SCFD2: variants seen among roughly 807,000 people sequenced by gnomAD.
The protein encoded by SCFD2 is sec1 family domain containing 2.
In SCFD2, 54 loss-of-function variants were observed where a neutral mutation model predicts 58.9. The observed-to-expected ratio is 0.92, with a 90% CI of 0.74 to 1.15. The LOEUF (loss-of-function observed/expected upper bound fraction) is 1.15, where lower values mean the gene tolerates loss of function less well. SCFD2 is among the 50% of genes most tolerant of loss of function. The probability of loss-of-function intolerance (pLI) is 0.00; values close to 1 mark genes in which losing one functional copy is unlikely to be tolerated. For synonymous variants in SCFD2, 321 were observed against 335.9 expected, an observed-to-expected ratio of 0.96 and a Z score of 0.49; for missense variants, 805 against 836.6, an observed-to-expected ratio of 0.96 and a Z score of 0.47.
chr4:52,874,981 C>T (rs1421181994), intron 8 of SCFD2, among the ~76,000 whole-genome samples: 1 of 152,208 alleles, frequency 6.6e-6, no homozygotes, highest in Non-Finnish European at 1.5e-5. Context: ...AGGATTATCT[C>T]ATTGAATATC....
chr4:53,092,731 G>A (rs1724509440), intron 5 of SCFD2, among the ~76,000 whole-genome samples: 1 of 152,092 alleles, frequency 6.6e-6, no homozygotes, highest in South Asian at 2.1e-4. Flanking sequence ...CTTAATGTAT[G>A]ATTCCATTTA....
At chr4:53,343,445 A>G (rs933488906) in intron 2 of SCFD2, among the ~76,000 whole-genome samples, 33 of 152,204 alleles carry the variant, frequency 2.2e-4, no homozygotes, top group African/African-American at 7.7e-4. Flanking sequence ...AGGTTCTGAA[A>G]TTGAGGCAAT....
intron 4 of SCFD2, among the ~76,000 whole-genome samples, chr4:53,171,956 A>ATTAT (rs139737323): frequency 1.5e-4 from 23 of 149,510 alleles, no homozygotes; most frequent in African/African-American, 2.4e-4. Context: ...CATTGATTTG[A>ATTAT]TTATTTATTT....
Position 52,908,934 on chromosome 4 carries a change from G to A in SCFD2, c.1708-1343C>T, listed in dbSNP as rs145665803. On this transcript the variant is annotated intron_variant, in intron 6 of 8. Transcript: ENST00000401642. The stretch of plus-strand genomic sequence containing the variant: ...GGGCAAGGCAATGAACAGAAACACC[G>A]GTCAGACAGAAATATTTTGAAAACT... 1.7e-4 allele frequency among the ~76,000 whole-genome samples: 26 copies of A among 152,210 alleles called. No homozygotes were observed. In the East Asian group the frequency reaches 3.5e-3, roughly 20 times the overall value.
intron 5 of SCFD2, among the ~76,000 whole-genome samples, chr4:53,021,872 A>C (rs1289262159): frequency 6.6e-6 from 1 of 152,174 alleles, no homozygotes; most frequent in Non-Finnish European, 1.5e-5. Flanking sequence ...GGCCCTGGAA[A>C]CTGTAAGACA....
intron 7 of SCFD2, among the ~76,000 whole-genome samples, chr4:52,888,833 T>C (rs1404890712): frequency 6.6e-6 from 1 of 152,228 alleles, no homozygotes; most frequent in Non-Finnish European, 1.5e-5. Context: ...CAATATCTTT[T>C]ATGTACCTCT....
intron 5 of SCFD2, among the ~76,000 whole-genome samples, chr4:53,059,266 G>A (rs1210486582): frequency 6.6e-6 from 1 of 152,132 alleles, no homozygotes; most frequent in Non-Finnish European, 1.5e-5. Flanking sequence ...GTGAAAGAGA[G>A]GTGTCATTAG....
intron 4 of SCFD2, among the ~76,000 whole-genome samples, chr4:53,158,134 C>A (rs557426924): frequency 6.6e-6 from 1 of 152,110 alleles, no homozygotes; most frequent in South Asian, 2.1e-4. Context: ...TTATATAGTT[C>A]CAGCACAAAT....
intron 2 of SCFD2, among the ~76,000 whole-genome samples, chr4:53,316,619 A>G (rs1294925754): frequency 1.3e-5 from 2 of 152,140 alleles, no homozygotes; most frequent in Non-Finnish European, 2.9e-5. Context: ...GATATATTGG[A>G]TGAATTCACT....
At chr4:53,062,613 T>C (rs17082361) in intron 5 of SCFD2, among the ~76,000 whole-genome samples, 7,849 of 152,166 alleles carry the variant, frequency 0.052, 678 homozygotes, top group African/African-American at 0.18. Flanking sequence ...TTATTTCTTG[T>C]CAGCTGGGGA....
At chr4:53,286,119 A>C (rs1731659106) in intron 3 of SCFD2, among the ~76,000 whole-genome samples, 1 of 151,992 alleles carries the variant, frequency 6.6e-6, no homozygotes. Context: ...TAGCCAAACC[A>C]CTGAAGCTTG....
intron 2 of SCFD2, among the ~76,000 whole-genome samples, chr4:53,322,014 A>T (rs1171016552): frequency 3.9e-5 from 6 of 152,188 alleles, no homozygotes; most frequent in African/African-American, 1.4e-4. Context: ...ATAAAAACAG[A>T]GATTGAGAAC....
intron 5 of SCFD2, among the ~76,000 whole-genome samples, chr4:53,058,532 C>G (rs1232695248): frequency 1.3e-5 from 2 of 152,050 alleles, no homozygotes; most frequent in African/African-American, 4.8e-5. Flanking sequence ...TTAAAAATTG[C>G]TATTTTCTAG....
At chr4:53,336,083 C>T (rs1171758497) in intron 2 of SCFD2, among the ~76,000 whole-genome samples, 2 of 152,014 alleles carry the variant, frequency 1.3e-5, no homozygotes, top group African/African-American at 4.8e-5. Flanking sequence ...TGTATAAAGC[C>T]CTTAGAGACT....
At chr4:53,340,716 G>A (rs542919042) in intron 2 of SCFD2, among the ~76,000 whole-genome samples, 1 of 152,166 alleles carries the variant, frequency 6.6e-6, no homozygotes, top group East Asian at 1.9e-4. Context: ...TTCCCAATAG[G>A]GGGCGACGGA....
intron 5 of SCFD2, among the ~76,000 whole-genome samples, chr4:53,125,945 G>C (rs1725614717): frequency 6.6e-6 from 1 of 152,198 alleles, no homozygotes; most frequent in Non-Finnish European, 1.5e-5. Flanking sequence ...GCTGAGGACA[G>C]ATTTGTCAAG....
At chr4:53,178,139 T>A (rs936617613) in intron 4 of SCFD2, among the ~76,000 whole-genome samples, 3 of 152,182 alleles carry the variant, frequency 2.0e-5, no homozygotes, top group Admixed American at 2.0e-4. Flanking sequence ...AATGTCCCTC[T>A]CTGACAGCTT....
chr4:52,883,951 T>C (rs900857115), intron 8 of SCFD2, among the ~76,000 whole-genome samples: 12 of 152,262 alleles, frequency 7.9e-5, no homozygotes, highest in South Asian at 4.1e-4. Context: ...CATTCCTCCG[T>C]TGGGTGTCTG....
At chr4:53,131,477 T>C (rs1010884023) in intron 5 of SCFD2, among the ~76,000 whole-genome samples, 5 of 152,138 alleles carry the variant, frequency 3.3e-5, no homozygotes, top group African/African-American at 1.2e-4. Context: ...CCTCCTGAGA[T>C]AATGGTGTGA....
Sources: gnomAD v4.1 joint callset for allele counts (sites outside exome capture counted in the v4.1 genomes callset) on GRCh38, gnomAD v4.1.1 for gene constraint, MANE v1.5 for transcripts, NCBI Gene and HGNC (gene_info 2026-07-23, HGNC 2026-07-21) for gene names.